ARHGAP24: variants seen among roughly 807,000 people sequenced by gnomAD.
ARHGAP24 encodes the protein rho GTPase-activating protein 24.
A neutral mutation model predicts 76.4 loss-of-function variants in ARHGAP24; 50 were observed. That is an observed-to-expected ratio of 0.65 (90% confidence interval 0.52 to 0.83). The LOEUF (loss-of-function observed/expected upper bound fraction) is 0.83. Among genes scored for constraint, ARHGAP24 ranks in the 40% least tolerant of loss-of-function variants. The pLI is 0.00. For missense variants in ARHGAP24, 930 were observed against 914.2 expected (o/e 1.02, Z -0.22); for synonymous variants, 345 against 323.3 (o/e 1.07, Z -0.72).
chr4:85,947,504 G>A (rs1737352814), intron 5 of ARHGAP24, among the ~76,000 whole-genome samples: 1 of 152,114 alleles, frequency 6.6e-6, no homozygotes, highest in African/African-American at 2.4e-5. Flanking sequence ...CAATTACAGT[G>A]GTGATCAAGT....
At chr4:85,764,246 A>T (rs1293918201) in intron 3 of ARHGAP24, among the ~76,000 whole-genome samples, 1 of 152,034 alleles carries the variant, frequency 6.6e-6, no homozygotes, top group Non-Finnish European at 1.5e-5. Context: ...ATTATCATAA[A>T]GAGAGATGCT....
At chr4:85,605,025 A>G (rs1185086524) in intron 2 of ARHGAP24, among the ~76,000 whole-genome samples, 1 of 152,242 alleles carries the variant, frequency 6.6e-6, no homozygotes, top group Non-Finnish European at 1.5e-5. Context: ...TGTTAATTGT[A>G]CTTATATCTA....
intron 1 of ARHGAP24, among the ~76,000 whole-genome samples, chr4:85,543,401 G>A (rs940093788): frequency 1.3e-5 from 2 of 152,204 alleles, no homozygotes; most frequent in Non-Finnish European, 2.9e-5. Flanking sequence ...GGTGGACAAA[G>A]CTGGTTAGCA....
chr4:85,708,923 A>C (rs1186628882), intron 2 of ARHGAP24, among the ~76,000 whole-genome samples: 3 of 152,162 alleles, frequency 2.0e-5, no homozygotes, highest in Admixed American at 2.0e-4. Context: ...TTAATCTCCA[A>C]GTTATCTCTA....
intron 2 of ARHGAP24, among the ~76,000 whole-genome samples, chr4:85,631,421 G>T (rs1049706146): frequency 6.6e-6 from 1 of 151,898 alleles, no homozygotes; most frequent in African/African-American, 2.4e-5. Context: ...TTAGATAAAC[G>T]GAAACTTTTC....
rs780276773 is a variant in ARHGAP24, at chr4:85,942,171, G to C, written c.497G>C (p.Arg166Thr). 6.2e-7 allele frequency: 1 copy of C among 1,613,932 alleles called. No individual in the cohort carries two copies. Among genetic ancestry groups the C allele is most frequent in the East Asian group, 2.2e-5 (1 of 44,886 alleles). ...CAGTGCGTGGACTTTATCCGACAAA[G>C]GGGGCTGAAAGAAGAGGGTCTCTTT... ...VEQCVDFIRQ[R>T]GLKEEGLFRL... Residue 166 changes from arginine to threonine, a missense_variant, in exon 5 of 10, where the codon AGG becomes ACG. Arg to Thr is a moderately conservative substitution (Grantham distance 71). Coordinates refer to ENST00000395184, the MANE Select transcript of ARHGAP24 (RefSeq NM_001025616.3).
intron 1 of ARHGAP24, among the ~76,000 whole-genome samples, chr4:85,493,082 G>A (rs1009227807): frequency 6.6e-6 from 1 of 152,200 alleles, no homozygotes; most frequent in Non-Finnish European, 1.5e-5. Context: ...TTTGGCAAGA[G>A]TACCATAGAA....
chr4:85,785,221 T>C (rs966695533), intron 3 of ARHGAP24, among the ~76,000 whole-genome samples: 9 of 152,168 alleles, frequency 5.9e-5, no homozygotes, highest in Non-Finnish European at 1.3e-4. Context: ...GCATTTCCCA[T>C]ATATTGTTCA....
intron 1 of ARHGAP24, among the ~76,000 whole-genome samples, chr4:85,564,924 GTA>G (rs3028011): frequency 0.13 from 6,569 of 51,702 alleles, 437 homozygotes; most frequent in East Asian, 0.24. Flanking sequence ...AACACACACG[GTA>G]TATATATATA....
At chr4:85,970,172 T>C (rs1020517137) in intron 5 of ARHGAP24, among the ~76,000 whole-genome samples, 1 of 152,122 alleles carries the variant, frequency 6.6e-6, no homozygotes, top group Non-Finnish European at 1.5e-5. Context: ...CCACTTCCAC[T>C]CTGGGCTCTG....
intron 2 of ARHGAP24, among the ~76,000 whole-genome samples, chr4:85,597,443 G>T (rs1198762766): frequency 3.3e-5 from 5 of 152,030 alleles, no homozygotes; most frequent in Non-Finnish European, 5.9e-5. Context: ...GACGGATGGG[G>T]AAGGAGGGTA....
chr4:85,920,384 A>G (rs1306008337), intron 3 of ARHGAP24, among the ~76,000 whole-genome samples: 2 of 152,228 alleles, frequency 1.3e-5, no homozygotes. Context: ...TCAACTCCAG[A>G]TGGATTAAAG....
intron 1 of ARHGAP24, among the ~76,000 whole-genome samples, chr4:85,524,785 C>T (rs982379418): frequency 6.6e-6 from 1 of 152,078 alleles, no homozygotes; most frequent in Non-Finnish European, 1.5e-5. Flanking sequence ...CAGTGAGCAA[C>T]CTGAATTACT....
intron 3 of ARHGAP24, among the ~76,000 whole-genome samples, chr4:85,906,387 G>T (rs1734769632): frequency 6.6e-6 from 1 of 152,150 alleles, no homozygotes; most frequent in Admixed American, 6.5e-5. Context: ...AATGAAAAAG[G>T]CCAGGATCAG....
At position 85,828,718 on chromosome 4, in the gene ARHGAP24, A is replaced by G. The variant is rs1407579117; in HGVS notation, c.269-94930A>G. Among the ~76,000 whole-genome samples, 5 of 152,126 alleles carry G rather than the reference A, an allele frequency of 3.3e-5. No individual in the cohort carries two copies. In the South Asian group the frequency reaches 8.3e-4, roughly 25 times the overall value. ...ATGGGAACGCAGAGTATTACTCACT[A>G]TGAGTCTGTTACAATAGGAATTAAA... is the stretch of plus-strand genomic sequence containing the variant. On this transcript the variant is annotated intron_variant, in intron 3 of 9. Coordinates refer to ENST00000395184, the MANE Select transcript of ARHGAP24 (RefSeq NM_001025616.3).
chr4:85,523,438 A>G (rs1724865854), intron 1 of ARHGAP24, among the ~76,000 whole-genome samples: 1 of 152,190 alleles, frequency 6.6e-6, no homozygotes, highest in African/African-American at 2.4e-5. Context: ...AATTTTAGAT[A>G]TGATTTGATC....
At chr4:85,588,732 TAA>T (rs1411138325) in intron 2 of ARHGAP24, among the ~76,000 whole-genome samples, 2 of 152,204 alleles carry the variant, frequency 1.3e-5, no homozygotes, top group Non-Finnish European at 2.9e-5. Flanking sequence ...AATAAGTAAT[TAA>T]GAGTTTAAAA....
At chr4:85,697,807 A>C (rs1723925493) in intron 2 of ARHGAP24, among the ~76,000 whole-genome samples, 1 of 152,178 alleles carries the variant, frequency 6.6e-6, no homozygotes, top group Non-Finnish European at 1.5e-5. Context: ...TGTGAGGTGG[A>C]GGAAGGGAGA....
chr4:85,844,939 T>C (rs1228281213), intron 3 of ARHGAP24, among the ~76,000 whole-genome samples: 1 of 152,224 alleles, frequency 6.6e-6, no homozygotes, highest in African/African-American at 2.4e-5. Context: ...GCCAGTTATC[T>C]CTGAAAATGT....
Sources: gnomAD v4.1 joint callset for allele counts (sites outside exome capture counted in the v4.1 genomes callset) on GRCh38, gnomAD v4.1.1 for gene constraint, MANE v1.5 for transcripts, NCBI Gene and HGNC (gene_info 2026-07-23, HGNC 2026-07-21) for gene names.